NXN: variants seen among roughly 807,000 people sequenced by gnomAD.
NXN encodes nucleoredoxin, also known as nucleoredoxin 1.
A neutral mutation model predicts 48.6 loss-of-function variants in NXN; 16 were observed. The observed-to-expected ratio is 0.33, with a 90% CI of 0.22 to 0.50. NXN has a LOEUF of 0.50. Ranked by LOEUF, NXN falls within the 20% of genes least tolerant of loss-of-function variation. The probability of loss-of-function intolerance (pLI) is 0.98; values close to 1 mark genes in which losing one functional copy is unlikely to be tolerated. For synonymous variants in NXN, 281 were observed against 269.6 expected (o/e 1.04, Z -0.41); for missense variants, 492 against 605.5 (o/e 0.81, Z 1.97).
At chr17:973,036 A>G (rs921143460) in intron 1 of NXN, among the ~76,000 whole-genome samples, 9 of 152,252 alleles carry the variant, frequency 5.9e-5, no homozygotes, top group Non-Finnish European at 1.2e-4. Context: ...GTCTCAAAAA[A>G]AAAAAAAAAA....
intron 1 of NXN, among the ~76,000 whole-genome samples, chr17:915,890 G>C (rs1294303988): frequency 2.0e-5 from 2 of 99,916 alleles, no homozygotes; most frequent in Non-Finnish European, 3.9e-5. Context: ...ACTTCCAGCT[G>C]CTCCCCCTCT....
chr17:823,552 C>T (rs575113103), intron 3 of NXN, 80 bp downstream of exon 3: 4 of 1,556,870 alleles, frequency 2.6e-6, no homozygotes, highest in Non-Finnish European at 2.6e-6. Flanking sequence ...TGTCTCACCC[C>T]CAGAAGCCAA....
At chr17:897,868 A>AC (rs2068503195) in intron 1 of NXN, among the ~76,000 whole-genome samples, 4 of 152,130 alleles carry the variant, frequency 2.6e-5, no homozygotes, top group South Asian at 2.1e-4. Context: ...CTTAGTAGAG[A>AC]TGGGGTTTCA....
chr17:823,540 G>T (rs1273825889), intron 3 of NXN, 92 bp downstream of exon 3: 3 of 1,459,616 alleles, frequency 2.1e-6, no homozygotes, highest in Non-Finnish European at 2.8e-6. Flanking sequence ...TTCCTGCCTG[G>T]GTGTCTCACC....
At chr17:925,911 T>C (rs2068793290) in intron 1 of NXN, among the ~76,000 whole-genome samples, 1 of 152,236 alleles carries the variant, frequency 6.6e-6, no homozygotes, top group Non-Finnish European at 1.5e-5. Flanking sequence ...AAAACTCCCT[T>C]TCTCTGGCTA....
intron 5 of NXN, among the ~76,000 whole-genome samples, chr17:816,354 C>CCGAG (rs1912472369): frequency 2.9e-5 from 2 of 68,092 alleles, no homozygotes; most frequent in African/African-American, 3.1e-4. Context: ...GTCATGGTCT[C>CCGAG]TAAGGAGAGT....
In NXN at chr17:822,389, C is replaced by T; in HGVS notation, c.681G>A (p.Gln227=). The T allele has an allele frequency of 1.2e-6, 2 of 1,614,124 alleles. No homozygotes were observed. Among genetic ancestry groups the T allele is most frequent in the African/African-American group, 1.3e-5 (1 of 75,038 alleles). The change falls in exon 4 of 8, where the codon CAG becomes CAA. Residue 227 remains glutamine, a synonymous_variant. Transcript: ENST00000336868. The part of the protein sequence containing the change: ...ESYRKIKEAG[Q]NFEIIFVSAD... ...CACTAACGAAGATGATCTCGAAGTTCTGGCCTGCCTCCTTGATCTTCCGGT... is the reference window on the plus strand; with the variant it reads ...CACTAACGAAGATGATCTCGAAGTTTTGGCCTGCCTCCTTGATCTTCCGGT...
intron 1 of NXN, among the ~76,000 whole-genome samples, chr17:911,936 T>C (rs138192428): frequency 1.5e-3 from 204 of 140,422 alleles, no homozygotes; most frequent in Non-Finnish European, 2.4e-3. Flanking sequence ...TTCATGCATA[T>C]ACTTTTTTTT....
intron 5 of NXN, among the ~76,000 whole-genome samples, chr17:813,614 CTG>C (rs1415323122): frequency 2.6e-5 from 4 of 152,238 alleles, no homozygotes; most frequent in Non-Finnish European, 4.4e-5. Context: ...ACTGACGTTT[CTG>C]TGTGTCAAGA....
chr17:896,858 C>CGGGGGGGG, intron 1 of NXN: 5 of 536,120 alleles, frequency 9.3e-6, no homozygotes, highest in Non-Finnish European at 1.5e-5. Flanking sequence ...GTCCTGACCA[C>CGGGGGGGG]CCGCCCCCGG....
intron 6 of NXN, among the ~76,000 whole-genome samples, chr17:804,179 A>G (rs1023919027): frequency 6.6e-6 from 1 of 151,320 alleles, no homozygotes; most frequent in Non-Finnish European, 1.5e-5. Flanking sequence ...CCACAGAATG[A>G]GAAGCCATGA....
At chr17:962,433 G>A (rs564744956) in intron 1 of NXN, among the ~76,000 whole-genome samples, 6 of 152,176 alleles carry the variant, frequency 3.9e-5, no homozygotes, top group Admixed American at 1.3e-4. Flanking sequence ...TTTGGGAGGT[G>A]GAAGCAGGTG....
At chr17:833,066 A>AT (rs1217478243) in intron 1 of NXN, among the ~76,000 whole-genome samples, 7 of 151,342 alleles carry the variant, frequency 4.6e-5, no homozygotes, top group African/African-American at 1.5e-4. Flanking sequence ...AATTTTTTGT[A>AT]TTTTTTAGTA....
intron 1 of NXN, among the ~76,000 whole-genome samples, chr17:938,341 G>A (rs2068932311): frequency 6.6e-6 from 1 of 152,232 alleles, no homozygotes; most frequent in African/African-American, 2.4e-5. Context: ...AAGTGAGCTG[G>A]CCACAAACAC....
In NXN at chr17:958,846, C is replaced by A. The variant is rs1275725244; in HGVS notation, c.360+20473G>T. 6.6e-6 allele frequency among the ~76,000 whole-genome samples: 1 copy of A among 152,018 alleles called. No homozygotes were observed. Among genetic ancestry groups the A allele is most frequent in the African/African-American group, 2.4e-5 (1 of 41,364 alleles). ...TCTCAGGGGGCTGAGGTGGGAGGAT[C>A]GCTTGAGCCCAGGAGGTCAGGGCTG... On this transcript the variant is annotated intron_variant, in intron 1 of 7. Transcript: ENST00000336868. The surrounding 1 kb of genome is among the most constrained non-coding windows in gnomAD (Gnocchi z 6.9).
chr17:846,840 GAAAAGGAGAA>G (rs1244560113), intron 1 of NXN, among the ~76,000 whole-genome samples: 7 of 151,912 alleles, frequency 4.6e-5, no homozygotes, highest in Non-Finnish European at 8.8e-5. Flanking sequence ...GGCGAGAAGG[GAAAAGGAGAA>G]AAAAGGAGAA....
chr17:821,024 TGGCAGAGACGGGGAGCTGCGGCAC>T lies in NXN; in HGVS notation c.713+1309_713+1332del, dbSNP rs1349218813. On this transcript the variant is annotated intron_variant, in intron 4 of 7. Transcript: ENST00000336868. ...CATGGCAGAGACGGGAGCTGTGGCA[TGGCAGAGACGGGGAGCTGCGGCAC>T]GGCAGAGACGGGGAGCTGTGGCATG... is the stretch of plus-strand genomic sequence containing the variant. Among the ~76,000 whole-genome samples the T allele has an allele frequency of 1.4e-3, 95 of 69,590 alleles. 32 individuals carry two copies. The East Asian group carries it at 0.029, about 21-fold the overall frequency. The allele number at this position is 69,590 out of a possible 152,430, so 45.7% of individuals were successfully genotyped here.
At chr17:869,868 G>A (rs1039630890) in intron 1 of NXN, among the ~76,000 whole-genome samples, 3 of 152,164 alleles carry the variant, frequency 2.0e-5, no homozygotes, top group Admixed American at 1.3e-4. Context: ...GTTAAGAACC[G>A]CTGACCTGCT....
chr17:938,758 A>G (rs1251686892), intron 1 of NXN, among the ~76,000 whole-genome samples: 1 of 151,910 alleles, frequency 6.6e-6, no homozygotes, highest in Admixed American at 6.6e-5. Flanking sequence ...GAAAAAGAAG[A>G]TAAAATTAAG....
Sources: allele counts gnomAD v4.1 joint callset (sites outside exome capture counted in the v4.1 genomes callset), GRCh38; gene constraint gnomAD v4.1.1; non-coding constraint Gnocchi (gnomAD v3.1); transcripts MANE v1.5; gene names NCBI Gene and HGNC (gene_info 2026-07-23, HGNC 2026-07-21).